The following USP30 variants were observed in gnomAD, a reference collection of about 807,000 sequenced individuals.
USP30 encodes ubiquitin carboxyl-terminal hydrolase 30.
In USP30, 41 loss-of-function variants were observed where a neutral mutation model predicts 68.2. The ratio of observed to expected loss-of-function variants is 0.60; its 90% CI spans 0.47 to 0.78. The LOEUF is 0.78. Ranked by LOEUF, USP30 falls within the 30% of genes least tolerant of loss-of-function variation. The pLI is 0.00. For missense variants in USP30, 522 were observed against 649.4 expected, an observed-to-expected ratio of 0.80 and a Z score of 2.13; for synonymous variants, 229 against 253.7, an observed-to-expected ratio of 0.90 and a Z score of 0.93.
upstream of USP30, among the ~76,000 whole-genome samples, chr12:109,049,617 C>G (rs1215909222): frequency 6.6e-6 from 1 of 151,438 alleles, no homozygotes; most frequent in African/African-American, 2.4e-5. Flanking sequence ...GAGTTCGAAA[C>G]CAGCCTGGCC....
At chr12:109,058,440 C>T (rs1395080084) in intron 3 of USP30, among the ~76,000 whole-genome samples, 1 of 152,078 alleles carries the variant, frequency 6.6e-6, no homozygotes, top group Non-Finnish European at 1.5e-5. Context: ...GGCATGGTGG[C>T]ACATGCCTGT....
At chr12:109,037,857 A>C (rs1566076752) in intron 3 of USP30, among the ~76,000 whole-genome samples, 2 of 152,052 alleles carry the variant, frequency 1.3e-5, no homozygotes, top group Non-Finnish European at 2.9e-5. Flanking sequence ...GTCAAACATC[A>C]AGGTCAGCCA....
intron 3 of USP30, among the ~76,000 whole-genome samples, chr12:109,030,398 G>C (rs2040472469): frequency 6.6e-6 from 1 of 152,214 alleles, no homozygotes; most frequent in Admixed American, 6.5e-5. Flanking sequence ...CTATAAGCAA[G>C]ATCCTAATAC....
intron 3 of USP30, among the ~76,000 whole-genome samples, chr12:109,058,487 G>T (rs1346880026): frequency 6.6e-6 from 1 of 151,458 alleles, no homozygotes; most frequent in Admixed American, 6.6e-5. Context: ...CAGAAGAATC[G>T]CTTGAACCCG....
At chr12:109,069,542 G>A (rs1351557150) in intron 4 of USP30, among the ~76,000 whole-genome samples, 1 of 152,180 alleles carries the variant, frequency 6.6e-6, no homozygotes, top group Non-Finnish European at 1.5e-5. Flanking sequence ...ATTTATATAG[G>A]CAACAAGTAT....
rs984341552 is a variant in USP30 at position 109,070,047 on chromosome 12, C to T, written c.481-1565C>T. ...AGATTGTGCAGGGACTAGGAGGCTGCGGGCGGCATCAGCTTCTATTGTGTT... is the reference window on the plus strand; with the variant it reads ...AGATTGTGCAGGGACTAGGAGGCTGTGGGCGGCATCAGCTTCTATTGTGTT... On this transcript the variant is annotated intron_variant, in intron 4 of 12. Coordinates refer to ENST00000257548, the MANE Select transcript of USP30 (RefSeq NM_032663.5). The surrounding 1 kb of genome is among the most constrained non-coding windows in gnomAD (Gnocchi z 4.0). Among the ~76,000 whole-genome samples, 1 of 151,964 alleles carries T rather than the reference C, an allele frequency of 6.6e-6. No homozygotes were observed. Among genetic ancestry groups the T allele is most frequent in the African/African-American group, 2.4e-5 (1 of 41,352 alleles).
chr12:109,034,645 T>G (rs566246395), intron 3 of USP30, among the ~76,000 whole-genome samples: 32 of 152,374 alleles, frequency 2.1e-4, no homozygotes, highest in African/African-American at 7.7e-4. Context: ...AAACAGTTTA[T>G]AGTGTTGTTC....
chr12:109,053,059 C>T, intron 1 of USP30: 1 of 291,670 alleles, frequency 3.4e-6, no homozygotes, highest in Non-Finnish European at 6.3e-6. Context: ...CTAATTCTGT[C>T]AGTGCCCTCA....
At chr12:109,023,425 C>T (rs529799602) in intron 1 of USP30, among the ~76,000 whole-genome samples, 33 of 151,994 alleles carry the variant, frequency 2.2e-4, no homozygotes, top group Non-Finnish European at 4.0e-4. Flanking sequence ...TGTGGTGGCA[C>T]AGACCTGTAG....
At chr12:109,059,630 C>T (rs1164369802) in intron 3 of USP30, among the ~76,000 whole-genome samples, 1 of 152,210 alleles carries the variant, frequency 6.6e-6, no homozygotes, top group Non-Finnish European at 1.5e-5. Context: ...TCTTCTGCTT[C>T]AGCCTCCCTA....
chr12:109,053,025 G>C, intron 1 of USP30: 1 of 360,514 alleles, frequency 2.8e-6, no homozygotes, highest in South Asian at 1.0e-4. Flanking sequence ...GGACACCCGG[G>C]GCACTCCAGT....
In USP30 at chr12:109,067,568, A is replaced by G; in HGVS notation, c.421A>G (p.Ser141Gly). The change falls in exon 4 of 13, where the codon AGC becomes GGC. Residue 141 changes from serine to glycine, a missense_variant. Physicochemically the swap from Ser to Gly is moderately conservative, Grantham distance 56. Coordinates refer to ENST00000257548, the MANE Select transcript of USP30 (RefSeq NM_032663.5). ...EVTDDEVLDA[S>G]CLLDVLRMYR... The stretch of plus-strand genomic sequence containing the variant: ...TACTGATGATGAGGTCTTAGATGCA[A>G]GCTGCTTGTTGGATGTCTTAAGAAT... 6.2e-7 allele frequency: 1 copy of G among 1,614,150 alleles called. No homozygotes were observed. Among genetic ancestry groups the G allele is most frequent in the Non-Finnish European group, 8.5e-7 (1 of 1,180,018 alleles).
intron 3 of USP30, among the ~76,000 whole-genome samples, chr12:109,034,185 T>C (rs1030542608): frequency 6.6e-6 from 1 of 152,246 alleles, no homozygotes; most frequent in Non-Finnish European, 1.5e-5. Context: ...TTTTTATTTT[T>C]ACTCAATTTT....
At chr12:109,058,658 A>G (rs2040957785) in intron 3 of USP30, among the ~76,000 whole-genome samples, 1 of 152,100 alleles carries the variant, frequency 6.6e-6, no homozygotes. Flanking sequence ...AAAGAAATCC[A>G]CTGCCACATA....
chr12:109,035,858 A>C (rs1287787109), intron 3 of USP30, among the ~76,000 whole-genome samples: 1 of 152,216 alleles, frequency 6.6e-6, no homozygotes, highest in Admixed American at 6.5e-5. Context: ...ATACACAAAA[A>C]AATTATATAC....
At chr12:109,042,568 T>A (rs1332376975) in intron 3 of USP30, among the ~76,000 whole-genome samples, 1 of 152,186 alleles carries the variant, frequency 6.6e-6, no homozygotes. Flanking sequence ...CTCTCCTGTG[T>A]GGGTATATAA....
Position 109,073,448 on chromosome 12 carries a change from C to T in USP30, c.636C>T (p.His212=), listed in dbSNP as rs769223864. 18 of 1,613,888 alleles carry T rather than the reference C, an allele frequency of 1.1e-5. No homozygotes were observed. The highest frequency in any genetic ancestry group is 1.5e-5 in the Non-Finnish European group (18 of 1,179,752). ...CTTTTTGCATTCCAGGGTCACCTCA[C>T]CCTACATCCAATCACTGGAAGTCTC... ...QITCRTRGSP[H]PTSNHWKSQH... The change falls in exon 7 of 13, where the codon CAC becomes CAT. Residue 212 remains histidine (H), a synonymous_variant. Transcript: ENST00000257548.
chr12:109,071,643 C>G lies in USP30; in HGVS notation c.512C>G (p.Ser171Trp), dbSNP rs760327509. The G allele has an allele frequency of 6.2e-7, 1 of 1,614,048 alleles. No homozygotes were observed. The highest frequency in any genetic ancestry group is 1.3e-5 in the African/African-American group (1 of 74,922). Residue 171 changes from serine to tryptophan, a missense_variant, in exon 5 of 13, where the codon TCG (serine) becomes TGG (tryptophan). Transcript: ENST00000257548. Reference sequence around the variant, plus strand: ...CACGAATTATTCCATGTCATTACCTCGTCATTGGAAGATGAGCGAGACCGC... The same window carrying G: ...CACGAATTATTCCATGTCATTACCTGGTCATTGGAAGATGAGCGAGACCGC... ...DAHELFHVITSSLEDERDRQP... is the reference protein window; with the variant it reads ...DAHELFHVITWSLEDERDRQP...
chr12:109,054,340 G>A (rs1173624352), intron 1 of USP30, among the ~76,000 whole-genome samples: 2 of 152,092 alleles, frequency 1.3e-5, no homozygotes, highest in South Asian at 4.1e-4. Flanking sequence ...GGGCAATGTA[G>A]TGAGACCCTG....
Sources: gnomAD v4.1 joint callset for allele counts (sites outside exome capture counted in the v4.1 genomes callset) on GRCh38, gnomAD v4.1.1 for gene constraint, Gnocchi (gnomAD v3.1) non-coding constraint, MANE v1.5 for transcripts, NCBI Gene and HGNC (gene_info 2026-07-23, HGNC 2026-07-21) for gene names.